DPEP1: variants seen among roughly 807,000 people sequenced by gnomAD.
DPEP1 encodes dipeptidase 1.
Under a neutral mutation model 42.3 loss-of-function variants are expected in DPEP1, and 50 were observed. That is an observed-to-expected ratio of 1.18 (90% CI 0.94 to 1.50). The LOEUF (loss-of-function observed/expected upper bound fraction) is 1.50, where lower values mean the gene tolerates loss of function less well. DPEP1 is among the 40% of genes most tolerant of loss of function. The pLI is 0.00. For synonymous variants in DPEP1, 297 were observed against 234.0 expected, an observed-to-expected ratio of 1.27 and a Z score of -2.46; for missense variants, 663 against 553.0, an observed-to-expected ratio of 1.20 and a Z score of -1.99.
chr16:89,616,003 G>A (rs969230970), intron 1 of DPEP1, among the ~76,000 whole-genome samples: 8 of 152,082 alleles, frequency 5.3e-5, no homozygotes, highest in East Asian at 1.9e-4. Context: ...AACCTGGGAG[G>A]CAGAGGTTTC....
Position 89,637,518 on chromosome 16 carries a change from C to T in DPEP1, c.819C>T (p.Ser273=). 1.2e-6 allele frequency: 2 copies of T among 1,612,788 alleles called. No individual in the cohort carries two copies. Among genetic ancestry groups the T allele is most frequent in the Non-Finnish European group, 1.7e-6 (2 of 1,179,978 alleles). Residue 273 remains serine, a synonymous_variant, in exon 8 of 11, where the codon TCC becomes TCT. Transcript: ENST00000690203. Reference sequence around the variant, plus strand: ...TGAACTTCTACAACAATTACATTTCCTGCACCAACAAGGCCAACCTGTCCC... The same window carrying T: ...TGAACTTCTACAACAATTACATTTCTTGCACCAACAAGGCCAACCTGTCCC... ...VMVNFYNNYI[S]CTNKANLSQV...
intron 1 of DPEP1, among the ~76,000 whole-genome samples, chr16:89,624,929 G>C (rs2059489400): frequency 6.6e-6 from 1 of 152,158 alleles, no homozygotes. Context: ...GAGGTAAACT[G>C]GTGTCTGCAG....
intron 1 of DPEP1, chr16:89,620,554 C>G (rs1164673614): frequency 2.0e-5 from 3 of 152,278 alleles, no homozygotes; most frequent in Non-Finnish European, 4.4e-5. Flanking sequence ...GAAACAAGAA[C>G]CAGCTGACAT....
chr16:89,628,078 A>G (rs1045731960), intron 1 of DPEP1, among the ~76,000 whole-genome samples: 11 of 151,224 alleles, frequency 7.3e-5, no homozygotes, highest in African/African-American at 2.4e-4. Context: ...ACCCGCCACC[A>G]TGCCCGGCTA....
chr16:89,621,246 G>A (rs1567981784), intron 1 of DPEP1, among the ~76,000 whole-genome samples: 1 of 151,374 alleles, frequency 6.6e-6, no homozygotes, highest in South Asian at 2.1e-4. Flanking sequence ...AAGAGCTCGC[G>A]CCCTGGTGCA....
At chr16:89,630,647 T>TGCCGGGGCTGGGGGA (rs2059574262) in intron 2 of DPEP1, 133 bp downstream of exon 2, 1 of 37,248 alleles carries the variant, frequency 2.7e-5, no homozygotes, top group Non-Finnish European at 4.6e-5. Context: ...GGGCTGGGGG[T>TGCCGGGGCTGGGGGA]GCCGGGGCTG....
chr16:89,616,782 G>C (rs1243161830), intron 1 of DPEP1: 1 of 276,336 alleles, frequency 3.6e-6, no homozygotes, highest in Non-Finnish European at 7.1e-6. Context: ...CCAGGAAGCA[G>C]GCAGGAAGTG....
Position 89,634,515 on chromosome 16 carries a change from C to A in DPEP1, c.105-1393C>A, listed in dbSNP as rs116956944. On this transcript the variant is annotated intron_variant, in intron 2 of 10. Transcript: ENST00000690203. ...CCAGCTCTGACAGCCCCAGCTCCCC[C>A]TTCCTCTGCGTTCCCCTTCCTTCTC... is the stretch of plus-strand genomic sequence containing the variant. Among the ~76,000 whole-genome samples, 3 of 146,426 alleles carry A rather than the reference C, an allele frequency of 2.0e-5. No individual in the cohort carries two copies. In the East Asian group the frequency reaches 5.9e-4, roughly 29 times the overall value.
chr16:89,622,426 A>C (rs962890948), intron 1 of DPEP1, among the ~76,000 whole-genome samples: 1 of 152,148 alleles, frequency 6.6e-6, no homozygotes, highest in Non-Finnish European at 1.5e-5. Context: ...TCAAGATGTG[A>C]GGTAAGGCAC....
At chr16:89,623,123 G>A (rs2059466334) in intron 1 of DPEP1, among the ~76,000 whole-genome samples, 1 of 151,910 alleles carries the variant, frequency 6.6e-6, no homozygotes, top group African/African-American at 2.4e-5. Context: ...CCCTAAACAT[G>A]TTTTTGAGAA....
rs774020055 is a variant in DPEP1, at chr16:89,635,886, G to C, written c.105-22G>C. 3 of 1,575,626 alleles carry C rather than the reference G, an allele frequency of 1.9e-6. No homozygotes were observed. In the South Asian group the frequency reaches 3.5e-5, roughly 19 times the overall value. On this transcript the variant is annotated intron_variant, in intron 2 of 10. Transcript: ENST00000690203. The stretch of plus-strand genomic sequence containing the variant: ...TCCCAGTGGCCGCCCTGACTGCCTG[G>C]CCTCTCCCCGGCAAACTCCAGGCAC...
chr16:89,641,434 C>A (rs112757812), downstream of DPEP1, among the ~76,000 whole-genome samples: 1 of 152,204 alleles, frequency 6.6e-6, no homozygotes, highest in Non-Finnish European at 1.5e-5. Flanking sequence ...TCGCTTCTCA[C>A]GGTGCCCCTT....
chr16:89,630,435 C>T lies in DPEP1; in HGVS notation c.25C>T (p.Pro9Ser), dbSNP rs1041965. MWSGWWLW[P>S]LVAVCTADFF... ...CATGTGGAGCGGATGGTGGCTGTGG[C>T]CCCTTGTGGCCGTCTGCACTGCAGA... The change falls in exon 2 of 11, where the codon CCC (proline) becomes TCC (serine). Residue 9 changes from proline (P) to serine (S), a missense_variant. Coordinates refer to ENST00000690203, the MANE Select transcript of DPEP1 (RefSeq NM_001389466.1). 6.2e-7 allele frequency: 1 copy of T among 1,611,334 alleles called. No individual in the cohort carries two copies. The highest frequency in any genetic ancestry group is 1.7e-5 in the Admixed American group (1 of 59,760).
In DPEP1 at chr16:89,630,384, T is replaced by A; in HGVS notation, c.-27T>A. On this transcript the variant is annotated 5_prime_UTR_variant, in exon 2 of 11. Transcript: ENST00000690203. ...CAGCACAGAGGCACCAGGGCAGCAGTGCACACAGGTCCCCGGGGACCCCAC... is the reference window on the plus strand; with the variant it reads ...CAGCACAGAGGCACCAGGGCAGCAGAGCACACAGGTCCCCGGGGACCCCAC... The A allele has an allele frequency of 6.3e-7, 1 of 1,593,682 alleles. No individual in the cohort carries two copies. The highest frequency in any genetic ancestry group is 8.6e-7 in the Non-Finnish European group (1 of 1,165,056).
intron 1 of DPEP1, among the ~76,000 whole-genome samples, chr16:89,615,027 G>C (rs2151474496): frequency 6.6e-6 from 1 of 152,286 alleles, no homozygotes; most frequent in African/African-American, 2.4e-5. Context: ...TTGCTGATTG[G>C]CGTCTGACCC....
chr16:89,627,954 G>C (rs930698755), intron 1 of DPEP1, among the ~76,000 whole-genome samples: 3 of 152,164 alleles, frequency 2.0e-5, no homozygotes, highest in Non-Finnish European at 4.4e-5. Flanking sequence ...ACGGAGTCTC[G>C]CTCTTTCGCC....
At position 89,636,517 on chromosome 16, in the gene DPEP1, C is replaced by T. The variant is rs761638884; in HGVS notation, c.371-16C>T. On this transcript the variant is annotated splice_polypyrimidine_tract_variant and intron_variant, in intron 4 of 10. Transcript: ENST00000690203. ...TACCAGGTGCCCACTCCCCTGCACC[C>T]TGACTCTCCCCGCAGGCATTCGGCA... 5 of 1,610,722 alleles carry T rather than the reference C, an allele frequency of 3.1e-6. No homozygotes were observed. Among genetic ancestry groups the T allele is most frequent in the Admixed American group, 1.7e-5 (1 of 59,938 alleles).
rs1449125607 is a variant in DPEP1 at position 89,635,160 on chromosome 16, CTTCCCT to C, written c.105-740_105-735del. On this transcript the variant is annotated intron_variant, in intron 2 of 10. Transcript: ENST00000690203. ...TTCCCTTCCTTCTCCTTTCCCCTTC[CTTCCCT>C]TTCCCTTCCTTCTCCTTTCCCCTTC... 3.7e-5 allele frequency among the ~76,000 whole-genome samples: 2 copies of C among 53,998 alleles called. 1 individual carries two copies. Among genetic ancestry groups the C allele is most frequent in the Non-Finnish European group, 9.7e-5 (2 of 20,638 alleles). The allele number at this position is 53,998 out of a possible 152,430, so 35.4% of individuals were successfully genotyped here.
chr16:89,632,211 G>A (rs749040128), intron 2 of DPEP1, among the ~76,000 whole-genome samples: 2 of 152,198 alleles, frequency 1.3e-5, no homozygotes, highest in South Asian at 2.1e-4. Flanking sequence ...CACCAAGCCC[G>A]GCTAATTTTT....
Sources: gnomAD v4.1 joint callset for allele counts (sites outside exome capture counted in the v4.1 genomes callset) on GRCh38, gnomAD v4.1.1 for gene constraint, MANE v1.5 for transcripts, NCBI Gene and HGNC (gene_info 2026-07-23, HGNC 2026-07-21) for gene names.